MAGEB3: variants seen among roughly 807,000 people sequenced by gnomAD.
The protein encoded by MAGEB3 is MAGE family member B3, also known as melanoma-associated antigen B3.
For synonymous variants in MAGEB3, 91 were observed against 93.0 expected (o/e 0.98, Z 0.12); for missense variants, 191 against 262.4 (o/e 0.73, Z 1.88).
chrX:30,231,470 A>AAAATAAAT (rs1250289669), intron 1 of MAGEB3, 47 bp from the exon 2 acceptor site: 1 of 105,777 alleles, frequency 9.5e-6, no homozygotes, highest in Non-Finnish European at 2.0e-5. Context: ...ACTCCATCTC[A>AAAATAAAT]AAATAAATAA....
chrX:30,232,673 G>C (rs1177295475), intron 2 of MAGEB3, among the ~76,000 whole-genome samples, 154 bp from the exon 3 acceptor site: 1 of 107,152 alleles, frequency 9.3e-6, no homozygotes, highest in Non-Finnish European at 1.9e-5. Context: ...TTCGGGAGGC[G>C]GAGGCAGGAG....
chrX:30,235,948 G>A lies in MAGEB3; in HGVS notation c.24G>A (p.Thr8=), dbSNP rs752498887. 2.3e-5 allele frequency: 28 copies of A among 1,205,432 alleles called. No individual in the cohort carries two copies. Among genetic ancestry groups the A allele is most frequent in the African/African-American group, 1.4e-4 (8 of 56,794 alleles). ...TCATGCCTCGGGGTCAGAAGAGTAC[G>A]CTCCATGCACGTGAGAAACGCCAGC... MPRGQKS[T]LHAREKRQQT... is the part of the protein sequence containing the mutation. The change falls in exon 5 of 5, where the codon ACG becomes ACA. Residue 8 remains threonine (T), a synonymous_variant. Coordinates refer to ENST00000361644, the MANE Select transcript of MAGEB3 (RefSeq NM_002365.5).
At chrX:30,231,841 T>A (rs1924805451) in intron 2 of MAGEB3, among the ~76,000 whole-genome samples, 1 of 108,964 alleles carries the variant, frequency 9.2e-6, no homozygotes, top group South Asian at 4.1e-4. Context: ...ATGCCTAGAC[T>A]TCCCCTCTAG....
Position 30,237,280 on chromosome X carries a change from G to T in MAGEB3, c.*315G>T. 1 of 215,194 alleles carries T rather than the reference G, an allele frequency of 4.6e-6. No individual in the cohort carries two copies. The highest frequency in any genetic ancestry group is 8.9e-6 in the Non-Finnish European group (1 of 112,789). The allele number at this position is 215,194 out of a possible 1,213,427, so 17.7% of individuals were successfully genotyped here. A position where few individuals can be genotyped will look rare whatever the true frequency, so the allele number is the denominator to read the frequency against. ...TCTGTTGCAAGATAACTTGGAATTA[G>T]AATAAGCATTTCCTTGAAAATGTTT... On this transcript the variant is annotated 3_prime_UTR_variant, in exon 5 of 5. Coordinates refer to ENST00000361644, the MANE Select transcript of MAGEB3 (RefSeq NM_002365.5).
chrX:30,237,296 G>C lies in MAGEB3; in HGVS notation c.*331G>C. 5.3e-6 allele frequency: 1 copy of C among 188,954 alleles called. No individual in the cohort carries two copies. Among genetic ancestry groups the C allele is most frequent in the Non-Finnish European group, 1.0e-5 (1 of 96,563 alleles). 15.6% of individuals were successfully genotyped at this position (188,954 alleles called of 1,213,427 possible). Reference sequence around the variant, plus strand: ...TTGGAATTAGAATAAGCATTTCCTTGAAAATGTTTAAAAAAAAAAAGTCAG... The same window carrying C: ...TTGGAATTAGAATAAGCATTTCCTTCAAAATGTTTAAAAAAAAAAAGTCAG... On this transcript the variant is annotated 3_prime_UTR_variant, in exon 5 of 5. Coordinates refer to ENST00000361644, the MANE Select transcript of MAGEB3 (RefSeq NM_002365.5).
Position 30,236,867 on chromosome X carries a change from G to A in MAGEB3, c.943G>A (p.Glu315Lys), listed in dbSNP as rs373510571. 9.0e-5 allele frequency: 109 copies of A among 1,210,081 alleles called. 1 individual carries two copies. The highest frequency in any genetic ancestry group is 8.9e-4 in the East Asian group (30 of 33,777). ...FWYEEALRDE[E>K]ERVQAAAMLN... ...GTATGAAGAGGCTTTGAGAGATGAG[G>A]AAGAAAGAGTCCAAGCTGCAGCTAT... The change falls in exon 5 of 5, where the codon GAA becomes AAA. Residue 315 changes from glutamate to lysine, a missense_variant. Transcript: ENST00000361644.
intron 4 of MAGEB3, among the ~76,000 whole-genome samples, chrX:30,235,038 C>G (rs937076734): frequency 5.4e-5 from 6 of 111,485 alleles, no homozygotes; most frequent in African/African-American, 1.6e-4. Context: ...CTAGAGAGTG[C>G]CAGAAAGGTT....
rs1386194840 is a variant in MAGEB3, at chrX:30,237,025, T to C, written c.*60T>C. 4 of 881,336 alleles carry C rather than the reference T, an allele frequency of 4.5e-6. No individual in the cohort carries two copies. The highest frequency in any genetic ancestry group is 6.3e-6 in the Non-Finnish European group (4 of 629,947). 72.6% of individuals were successfully genotyped at this position (881,336 alleles called of 1,213,427 possible). Reference sequence around the variant, plus strand: ...AGAGGGCAGTCACTGTTCCAAGGAGTGAAGGACTGGGTGTTACTGGAGGGA... The same window carrying C: ...AGAGGGCAGTCACTGTTCCAAGGAGCGAAGGACTGGGTGTTACTGGAGGGA... On this transcript the variant is annotated 3_prime_UTR_variant, in exon 5 of 5. Coordinates refer to ENST00000361644, the MANE Select transcript of MAGEB3 (RefSeq NM_002365.5).
intron 4 of MAGEB3, among the ~76,000 whole-genome samples, chrX:30,233,776 A>G (rs1924898369): frequency 9.0e-6 from 1 of 111,483 alleles, no homozygotes. Flanking sequence ...GACGTGTCTC[A>G]CCCTCACAAC....
chrX:30,232,490 G>A (rs1205462056), intron 2 of MAGEB3, among the ~76,000 whole-genome samples: 3 of 106,311 alleles, frequency 2.8e-5, no homozygotes, highest in African/African-American at 1.0e-4. Context: ...CAGCAGTGGA[G>A]CACCCCTGTA....
chrX:30,235,117 G>A (rs1206330877), intron 4 of MAGEB3, among the ~76,000 whole-genome samples: 4 of 111,500 alleles, frequency 3.6e-5, no homozygotes, highest in African/African-American at 9.8e-5. Context: ...AGGGGTCACA[G>A]TGAGGACCCT....
chrX:30,232,077 A>C (rs1366587904), intron 2 of MAGEB3, among the ~76,000 whole-genome samples: 1 of 112,148 alleles, frequency 8.9e-6, no homozygotes, highest in Non-Finnish European at 1.9e-5. Context: ...AGTTGGCCTG[A>C]CGGGTGCAAT....
intron 1 of MAGEB3, among the ~76,000 whole-genome samples, chrX:30,231,137 G>A (rs1287947666): frequency 1.1e-5 from 1 of 94,553 alleles, no homozygotes; most frequent in Admixed American, 1.2e-4. Flanking sequence ...GGACAACATG[G>A]CGAAAACCTG....
chrX:30,235,202 C>T (rs1924941155), intron 4 of MAGEB3, among the ~76,000 whole-genome samples: 2 of 111,581 alleles, frequency 1.8e-5, no homozygotes. Flanking sequence ...CCACTTGCAG[C>T]GCTGATGAGG....
At chrX:30,231,363 G>A (rs770895944) in intron 1 of MAGEB3, among the ~76,000 whole-genome samples, 154 bp from the exon 2 acceptor site, 4 of 107,167 alleles carry the variant, frequency 3.7e-5, no homozygotes, top group Non-Finnish European at 5.8e-5. Context: ...CCAGCTATTC[G>A]GGAGGCGGAG....
chrX:30,232,403 C>T (rs1382878425), intron 2 of MAGEB3, among the ~76,000 whole-genome samples: 2 of 107,990 alleles, frequency 1.9e-5, no homozygotes, highest in African/African-American at 6.8e-5. Context: ...ACTGTTTGGG[C>T]CCCCCCAGGA....
chrX:30,232,532 G>A (rs1924835080), intron 2 of MAGEB3, among the ~76,000 whole-genome samples: 1 of 106,663 alleles, frequency 9.4e-6, no homozygotes, highest in African/African-American at 3.4e-5. Context: ...GAGGTGGGAG[G>A]ATCGCTTAAG....
rs1287901576 is a variant in MAGEB3, at chrX:30,236,051, C to T, written c.127C>T (p.Pro43Ser). The T allele has an allele frequency of 8.3e-7, 1 of 1,211,068 alleles. No homozygotes were observed. Residue 43 changes from proline to serine, a missense_variant, in exon 5 of 5, where the codon CCT becomes TCT. Coordinates refer to ENST00000361644, the MANE Select transcript of MAGEB3 (RefSeq NM_002365.5). ...CAAGAAAAAAGTATCCTTTTCATCC[C>T]CTCTTATTTTGGGGGCTACTATCCA... The part of the protein sequence containing the change: ...TNKKKVSFSS[P>S]LILGATIQKK...
chrX:30,231,079 C>T (rs1924764815), intron 1 of MAGEB3, among the ~76,000 whole-genome samples: 1 of 107,753 alleles, frequency 9.3e-6, no homozygotes, highest in South Asian at 4.2e-4. Flanking sequence ...ACTGGGAGGC[C>T]GAGGCGAGTG....
Sources: gnomAD v4.1 joint callset for allele counts (sites outside exome capture counted in the v4.1 genomes callset) on GRCh38, gnomAD v4.1.1 for gene constraint, MANE v1.5 for transcripts, NCBI Gene and HGNC (gene_info 2026-07-23, HGNC 2026-07-21) for gene names.